Variants in ADAM12 observed in about 807,000 individuals in gnomAD.
ADAM12 encodes ADAM metallopeptidase domain 12.
A neutral mutation model predicts 106.4 loss-of-function variants in ADAM12; 70 were observed. That is an observed-to-expected ratio of 0.66 (90% CI 0.54 to 0.80). ADAM12 has a LOEUF of 0.80. ADAM12 is among the 30% of genes least tolerant of loss of function. The pLI is 0.00. For synonymous variants in ADAM12, 420 were observed against 433.5 expected (o/e 0.97, Z 0.39); for missense variants, 1,010 against 1,171.9 (o/e 0.86, Z 2.02).
At chr10:126,302,604 G>T (rs1438125904) in intron 2 of ADAM12, among the ~76,000 whole-genome samples, 1 of 152,184 alleles carries the variant, frequency 6.6e-6, no homozygotes, top group African/African-American at 2.4e-5. Flanking sequence ...TGAAGAGCTT[G>T]AAGTGATCTC....
In ADAM12 at chr10:126,226,791, G is replaced by A. The variant is rs148496251; in HGVS notation, c.260+52124C>T. On this transcript the variant is annotated intron_variant, in intron 3 of 22. Coordinates refer to ENST00000448723, the MANE Select transcript of ADAM12 (RefSeq NM_001288973.2). ...TTACTATGTGCCAGGCACTTTACCG[G>A]GTGCCAGGACACAGGACAATGATGA... 7.9e-5 allele frequency among the ~76,000 whole-genome samples: 12 copies of A among 152,204 alleles called. No individual in the cohort carries two copies. The East Asian group carries it at 2.3e-3, about 29-fold the overall frequency.
chr10:126,168,165 T>C (rs1957057757), intron 3 of ADAM12, among the ~76,000 whole-genome samples: 1 of 152,200 alleles, frequency 6.6e-6, no homozygotes, highest in Non-Finnish European at 1.5e-5. Flanking sequence ...ATGGGGTCTT[T>C]CTTACTCACT....
chr10:126,019,155 TTCTC>T (rs1953712857), intron 22 of ADAM12, among the ~76,000 whole-genome samples: 1 of 152,090 alleles, frequency 6.6e-6, no homozygotes, highest in African/African-American at 2.4e-5. Flanking sequence ...CTTTTTCTCT[TTCTC>T]CTGCTCCAGC....
Position 126,289,118 on chromosome 10 carries a change from GACA to G in ADAM12, c.187-10133_187-10131del, listed in dbSNP as rs1172269466. The stretch of plus-strand genomic sequence containing the variant: ...CCGTGTGGTGACACAATGGCTTGGG[GACA>G]GGACCATGTGGTGACTTGGTGCCTG... On this transcript the variant is annotated intron_variant, in intron 2 of 22. Coordinates refer to ENST00000448723, the MANE Select transcript of ADAM12 (RefSeq NM_001288973.2). Among the ~76,000 whole-genome samples, 15 of 152,342 alleles carry G rather than the reference GACA, an allele frequency of 9.8e-5. No individual in the cohort carries two copies. The East Asian group carries it at 2.7e-3, about 27-fold the overall frequency.
At chr10:126,312,131 G>GAAAA (rs35783742) in intron 2 of ADAM12, among the ~76,000 whole-genome samples, 3 of 123,976 alleles carry the variant, frequency 2.4e-5, no homozygotes, top group Non-Finnish European at 4.9e-5. Flanking sequence ...GGTTGGTGTG[G>GAAAA]AAAAAAAAAA....
At chr10:126,161,628 G>A (rs73380521) in intron 3 of ADAM12, among the ~76,000 whole-genome samples, 5,998 of 152,288 alleles carry the variant, frequency 0.039, 397 homozygotes, top group African/African-American at 0.14. Context: ...GGTGATACAC[G>A]TCCCACATCT....
At chr10:126,341,784 C>T (rs1854940388) in intron 1 of ADAM12, among the ~76,000 whole-genome samples, 1 of 152,206 alleles carries the variant, frequency 6.6e-6, no homozygotes, top group Non-Finnish European at 1.5e-5. Context: ...ATGTACGTGG[C>T]TACACACCAG....
intron 1 of ADAM12, among the ~76,000 whole-genome samples, chr10:126,383,337 G>T (rs943740145): frequency 6.6e-6 from 1 of 152,080 alleles, no homozygotes; most frequent in African/African-American, 2.4e-5. Context: ...AAATGTAAAG[G>T]GATGAAAAAT....
intron 17 of ADAM12, among the ~76,000 whole-genome samples, chr10:126,044,604 A>G (rs1178542992): frequency 6.6e-6 from 1 of 152,154 alleles, no homozygotes; most frequent in African/African-American, 2.4e-5. Context: ...CCAGATATAC[A>G]GTTTCATATT....
chr10:126,323,086 C>G (rs1222067318), intron 2 of ADAM12, among the ~76,000 whole-genome samples: 1 of 152,148 alleles, frequency 6.6e-6, no homozygotes, highest in East Asian at 1.9e-4. Context: ...CAACCATGAG[C>G]CACTGTGCAT....
intron 3 of ADAM12, among the ~76,000 whole-genome samples, chr10:126,244,003 A>C (rs1958582415): frequency 6.6e-6 from 1 of 152,180 alleles, no homozygotes; most frequent in Admixed American, 6.6e-5. Flanking sequence ...AGACTGGGGG[A>C]GAAAGGTTTC....
intron 2 of ADAM12, among the ~76,000 whole-genome samples, chr10:126,292,286 G>A (rs1254353280): frequency 6.6e-6 from 1 of 151,658 alleles, no homozygotes; most frequent in Non-Finnish European, 1.5e-5. Flanking sequence ...CATCCTTTTG[G>A]CTCCCATTGG....
chr10:126,366,163 C>G (rs1187110511), intron 1 of ADAM12, among the ~76,000 whole-genome samples: 1 of 151,998 alleles, frequency 6.6e-6, no homozygotes, highest in Non-Finnish European at 1.5e-5. Context: ...GGTAGTATTT[C>G]AAATCAATGG....
intron 10 of ADAM12, among the ~76,000 whole-genome samples, chr10:126,095,810 C>T (rs185000673): frequency 1.4e-4 from 22 of 152,250 alleles, no homozygotes; most frequent in Non-Finnish European, 2.4e-4. Flanking sequence ...GCCTCTGTAA[C>T]TGTAAGAAAT....
chr10:126,256,920 A>AATAATGATGATG (rs879871890), intron 3 of ADAM12, among the ~76,000 whole-genome samples: 1 of 97,156 alleles, frequency 1.0e-5, no homozygotes, highest in African/African-American at 4.1e-5. Context: ...TAATAATAAT[A>AATAATGATGATG]ATGATGATGA....
intron 3 of ADAM12, among the ~76,000 whole-genome samples, chr10:126,217,760 T>G (rs77696897): frequency 7.4e-6 from 1 of 135,912 alleles, no homozygotes; most frequent in Non-Finnish European, 1.6e-5. Context: ...ATCACCTGAG[T>G]CAGGAGTTCG....
intron 3 of ADAM12, among the ~76,000 whole-genome samples, chr10:126,254,496 C>G (rs1958850944): frequency 6.6e-6 from 1 of 152,190 alleles, no homozygotes; most frequent in East Asian, 1.9e-4. Context: ...GCAGTCTTGG[C>G]CTCTTCCCCT....
chr10:126,266,415 A>C (rs1228027758), intron 3 of ADAM12, among the ~76,000 whole-genome samples: 2 of 152,168 alleles, frequency 1.3e-5, no homozygotes, highest in Non-Finnish European at 2.9e-5. Context: ...CAGTCACAGG[A>C]AGCTGCTTGC....
At chr10:126,333,483 G>A (rs962627386) in intron 1 of ADAM12, among the ~76,000 whole-genome samples, 2 of 152,232 alleles carry the variant, frequency 1.3e-5, no homozygotes, top group Non-Finnish European at 2.9e-5. Context: ...GGAAGGAGAT[G>A]ATGCGTGAAA....
Sources: gnomAD v4.1 joint callset for allele counts (sites outside exome capture counted in the v4.1 genomes callset) on GRCh38, gnomAD v4.1.1 for gene constraint, MANE v1.5 for transcripts, NCBI Gene and HGNC (gene_info 2026-07-23, HGNC 2026-07-21) for gene names.